Variants in ROS1 observed in about 807,000 individuals in gnomAD.
The protein encoded by ROS1 is proto-oncogene tyrosine-protein kinase ROS.
Under a neutral mutation model 273.5 loss-of-function variants are expected in ROS1, and 263 were observed. The observed-to-expected ratio is 0.96, with a 90% CI of 0.87 to 1.06. The LOEUF (loss-of-function observed/expected upper bound fraction) is 1.06. Ranked by LOEUF, ROS1 falls within the 50% of genes least tolerant of loss-of-function variation. The pLI is 0.00. For synonymous variants in ROS1, 1,008 were observed against 954.1 expected (o/e 1.06, Z -1.04); for missense variants, 2,833 against 2,751.1 (o/e 1.03, Z -0.67).
At chr6:117,319,737 T>A in intron 37 of ROS1, 131 bp downstream of exon 37, 1 of 728,170 alleles carries the variant, frequency 1.4e-6, no homozygotes, top group Non-Finnish European at 2.3e-6. Context: ...TCTGTAGCTA[T>A]GGATAGGCTT....
Position 117,341,418 on chromosome 6 carries a change from T to C in ROS1, c.4866A>G (p.Gly1622=), listed in dbSNP as rs1467696353. The change falls in exon 30 of 44, where the codon GGA becomes GGG. Residue 1622 remains glycine, a synonymous_variant. Coordinates refer to ENST00000368507, the MANE Select transcript of ROS1 (RefSeq NM_001378902.1). ...LTLLVTRLSG[G]NIYVLKVLAC... ...ACTGTACCTTTAACACATAAATATT[T>C]CCACCAGACAGTCTAGTAACAAGGA... is the stretch of plus-strand genomic sequence containing the variant. The C allele has an allele frequency of 6.2e-7, 1 of 1,613,618 alleles. No homozygotes were observed. Among genetic ancestry groups the C allele is most frequent in the South Asian group, 1.1e-5 (1 of 91,066 alleles).
intron 32 of ROS1, among the ~76,000 whole-genome samples, chr6:117,335,108 T>C (rs9489129): frequency 0.027 from 4,068 of 152,242 alleles, 75 homozygotes; most frequent in South Asian, 0.054. Context: ...AAAGGGCTAA[T>C]ATCCAGAATG....
intron 43 of ROS1, among the ~76,000 whole-genome samples, chr6:117,292,192 G>C (rs528802368): frequency 6.6e-6 from 1 of 151,894 alleles, no homozygotes; most frequent in Non-Finnish European, 1.5e-5. Context: ...GGATGGTCTC[G>C]ATCTTCTGAC....
intron 27 of ROS1, among the ~76,000 whole-genome samples, chr6:117,349,975 T>C (rs1778685011): frequency 6.6e-6 from 1 of 152,028 alleles, no homozygotes; most frequent in African/African-American, 2.4e-5. Flanking sequence ...TAAGTGGATA[T>C]AATTGAATAT....
rs1049529195 is a variant in ROS1, at chr6:117,329,389, A to G, written c.5288T>C (p.Ile1763Thr). Residue 1763 changes from isoleucine (I) to threonine (T), a missense_variant, in exon 33 of 44, where the codon ATA (isoleucine) becomes ACA (threonine). Transcript: ENST00000368507. ...PKLLEGSKNSIQWEKAEDNGC... is the reference protein window; with the variant it reads ...PKLLEGSKNSTQWEKAEDNGC... ...ATTATCTTCAGCTTTCTCCCACTGTATTGAATTTTTACTCCCTTCTAGTAA... is the reference window on the plus strand; with the variant it reads ...ATTATCTTCAGCTTTCTCCCACTGTGTTGAATTTTTACTCCCTTCTAGTAA... 5.0e-6 allele frequency: 8 copies of G among 1,604,434 alleles called. No individual in the cohort carries two copies. The East Asian group carries it at 1.1e-4, about 22-fold the overall frequency.
chr6:117,355,096 T>A (rs984354712), intron 26 of ROS1, among the ~76,000 whole-genome samples: 2 of 152,164 alleles, frequency 1.3e-5, no homozygotes, highest in African/African-American at 4.8e-5. Context: ...GGTAGGGGGT[T>A]CTCCTAAACT....
rs747331525 is a variant in ROS1 at position 117,396,903 on chromosome 6, C to G, written c.806+12G>C. On this transcript the variant is annotated intron_variant, in intron 8 of 43. Coordinates refer to ENST00000368507, the MANE Select transcript of ROS1 (RefSeq NM_001378902.1). Reference sequence around the variant, plus strand: ...GCTGGTTACATTTTCCTCTGTATCACTTAATTCTTACCTGTAGATAGTATT... The same window carrying G: ...GCTGGTTACATTTTCCTCTGTATCAGTTAATTCTTACCTGTAGATAGTATT... 1 of 1,586,616 alleles carries G rather than the reference C, an allele frequency of 6.3e-7. No homozygotes were observed. Among genetic ancestry groups the G allele is most frequent in the South Asian group, 1.1e-5 (1 of 90,324 alleles).
At chr6:117,392,714 G>A (rs1582830965) in intron 12 of ROS1, among the ~76,000 whole-genome samples, 1 of 152,150 alleles carries the variant, frequency 6.6e-6, no homozygotes, top group Admixed American at 6.5e-5. Context: ...TTCATTTGGG[G>A]GTAGGAGGCA....
intron 40 of ROS1, 144 bp from the exon 41 acceptor site, chr6:117,310,425 A>G: frequency 3.3e-6 from 2 of 598,270 alleles, no homozygotes; most frequent in Admixed American, 3.2e-5. Flanking sequence ...TGTGCTGAAC[A>G]TGAAGTTTGT....
chr6:117,418,447 G>C lies in ROS1; in HGVS notation c.168+15C>G. ...AAACATTGTAATATTCTTGACAACT[G>C]AAGAAATTACTTACCGGTTCACTCA... is the stretch of plus-strand genomic sequence containing the variant. On this transcript the variant is annotated intron_variant, in intron 2 of 43. Coordinates refer to ENST00000368507, the MANE Select transcript of ROS1 (RefSeq NM_001378902.1). 1 of 1,574,172 alleles carries C rather than the reference G, an allele frequency of 6.4e-7. No individual in the cohort carries two copies. Among genetic ancestry groups the C allele is most frequent in the Non-Finnish European group, 8.7e-7 (1 of 1,154,668 alleles).
chr6:117,308,925 A>C lies in ROS1; in HGVS notation c.6420T>G (p.Ser2140=), dbSNP rs561182249. ...GIFTTQSDVW[S]FGILIWEILT... ...AAATCTCCCAAATCAGAATTCCAAA[A>C]GACCTAAGAATAGTAGAGGGTTTGC... The change falls in exon 42 of 44, where the codon TCT becomes TCG. Residue 2140 remains serine, a synonymous_variant. Coordinates refer to ENST00000368507, the MANE Select transcript of ROS1 (RefSeq NM_001378902.1). The C allele has an allele frequency of 2.5e-6, 4 of 1,612,880 alleles. No homozygotes were observed. Among genetic ancestry groups the C allele is most frequent in the Non-Finnish European group, 3.4e-6 (4 of 1,179,370 alleles).
intron 18 of ROS1, among the ~76,000 whole-genome samples, chr6:117,372,594 T>A (rs1014617424): frequency 4.6e-5 from 7 of 152,322 alleles, no homozygotes; most frequent in Admixed American, 2.6e-4. Flanking sequence ...GGTGGGTTCG[T>A]GGTCTCTCTG....
chr6:117,376,064 T>TA (rs1352322362), intron 18 of ROS1, among the ~76,000 whole-genome samples: 7 of 151,184 alleles, frequency 4.6e-5, no homozygotes, highest in Non-Finnish European at 1.0e-4. Context: ...GTTAATGAAA[T>TA]AAAAAATGGA....
chr6:117,360,296 A>ACACACACACACACACG, intron 23 of ROS1, 46 bp downstream of exon 23: 1 of 1,418,234 alleles, frequency 7.1e-7, no homozygotes, highest in Non-Finnish European at 9.9e-7. Flanking sequence ...ACACACACAC[A>ACACACACACACACACG]CACGCCTCTA....
chr6:117,395,078 AC>A (rs1773384921), intron 9 of ROS1, among the ~76,000 whole-genome samples: 1 of 152,048 alleles, frequency 6.6e-6, no homozygotes, highest in African/African-American at 2.4e-5. Flanking sequence ...GAGGTGGTCC[AC>A]CCCAGGCCAG....
chr6:117,410,978 C>G (rs1468765660), intron 4 of ROS1, among the ~76,000 whole-genome samples: 1 of 151,810 alleles, frequency 6.6e-6, no homozygotes, highest in African/African-American at 2.4e-5. Context: ...CAATTCACAG[C>G]AAAATTATTA....
At chr6:117,326,467 C>G (rs1392580557) in intron 33 of ROS1, 53 bp from the exon 34 acceptor site, 2 of 1,124,562 alleles carry the variant, frequency 1.8e-6, no homozygotes, top group Non-Finnish European at 2.4e-6. Flanking sequence ...CCTGTTATTT[C>G]TAGTTGTTCA....
intron 42 of ROS1, among the ~76,000 whole-genome samples, chr6:117,302,455 G>C (rs1373647036): frequency 6.6e-6 from 1 of 152,116 alleles, no homozygotes; most frequent in Non-Finnish European, 1.5e-5. Context: ...TCAATAAGGA[G>C]TGACTTATCT....
At chr6:117,323,630 A>T (rs1310209753) in intron 35 of ROS1, among the ~76,000 whole-genome samples, 8 of 152,138 alleles carry the variant, frequency 5.3e-5, no homozygotes, top group Non-Finnish European at 1.2e-4. Context: ...ACAAGAATGT[A>T]TGATCACTGT....
Sources: gnomAD v4.1 joint callset for allele counts (sites outside exome capture counted in the v4.1 genomes callset) on GRCh38, gnomAD v4.1.1 for gene constraint, MANE v1.5 for transcripts, NCBI Gene and HGNC (gene_info 2026-07-23, HGNC 2026-07-21) for gene names.